Variants in GPC5 observed in about 807,000 individuals in gnomAD.
GPC5 encodes glypican 5.
In GPC5, 47 loss-of-function variants were observed where a neutral mutation model predicts 53.9. The observed-to-expected ratio is 0.87, with a 90% CI of 0.69 to 1.11. GPC5 has a LOEUF of 1.11. Among genes scored for constraint, GPC5 ranks in the 50% most tolerant of loss-of-function variants. The pLI is 0.00. For missense variants in GPC5, 748 were observed against 713.1 expected (o/e 1.05, Z -0.56); for synonymous variants, 286 against 263.3 (o/e 1.09, Z -0.84).
intron 5 of GPC5, among the ~76,000 whole-genome samples, chr13:91,831,713 A>G (rs551878999): frequency 1.3e-4 from 20 of 152,094 alleles, no homozygotes; most frequent in African/African-American, 4.8e-4. Context: ...AAAACTAAAA[A>G]TATATTAATT....
At chr13:92,374,941 A>T (rs1282640736) in intron 7 of GPC5, among the ~76,000 whole-genome samples, 2 of 152,126 alleles carry the variant, frequency 1.3e-5, no homozygotes, top group Non-Finnish European at 2.9e-5. Flanking sequence ...GTTTAGGAAG[A>T]TTCTATGGGA....
At chr13:92,269,028 C>G (rs1205091592) in intron 7 of GPC5, among the ~76,000 whole-genome samples, 6 of 151,966 alleles carry the variant, frequency 3.9e-5, no homozygotes, top group African/African-American at 7.2e-5. Context: ...ACCATTTGGT[C>G]TGTTTATACT....
chr13:92,233,348 A>G (rs2042545152), intron 7 of GPC5, among the ~76,000 whole-genome samples: 1 of 152,236 alleles, frequency 6.6e-6, no homozygotes, highest in African/African-American at 2.4e-5. Flanking sequence ...AAGAGTAAGC[A>G]TTTGAAATAT....
intron 7 of GPC5, among the ~76,000 whole-genome samples, chr13:92,562,401 C>T (rs919816107): frequency 1.3e-5 from 2 of 152,062 alleles, no homozygotes; most frequent in Non-Finnish European, 2.9e-5. Flanking sequence ...GGCCCTCCCG[C>T]TCTACCACCT....
rs71113759 is a variant in GPC5, at chr13:91,770,704, T to TTGTGTGTGTGTGTGTGTG, written c.1280+14302_1280+14319dup. On this transcript the variant is annotated intron_variant, in intron 5 of 7. Coordinates refer to ENST00000377067, the MANE Select transcript of GPC5 (RefSeq NM_004466.6). ...TTCAAAGACTGGGGAGACTGTGTGT[T>TTGTGTGTGTGTGTGTGTG]TGTGTGTGTGTGTGTGTGTGTGTGT... Among the ~76,000 whole-genome samples, 779 of 145,644 alleles carry TTGTGTGTGTGTGTGTGTG rather than the reference T, an allele frequency of 5.3e-3. 8 individuals are homozygous for TTGTGTGTGTGTGTGTGTG. The highest frequency in any genetic ancestry group is 0.014 in the South Asian group (63 of 4,408).
intron 2 of GPC5, among the ~76,000 whole-genome samples, chr13:91,631,534 G>T (rs774023788): frequency 3.9e-5 from 6 of 152,054 alleles, no homozygotes; most frequent in Non-Finnish European, 8.8e-5. Context: ...ATAGTGCTTT[G>T]GTTAAAAAAT....
At chr13:91,998,708 A>AC (rs1235169878) in intron 6 of GPC5, among the ~76,000 whole-genome samples, 1 of 152,336 alleles carries the variant, frequency 6.6e-6, no homozygotes, top group East Asian at 1.9e-4. Context: ...GTTCAAGAAT[A>AC]TGTTATTTTC....
chr13:92,042,328 G>A (rs9301772), intron 6 of GPC5, among the ~76,000 whole-genome samples: 71,397 of 151,954 alleles, frequency 0.47, 17,144 homozygotes, highest in Admixed American at 0.52. Context: ...AAGTATATGC[G>A]CTTGGAACCG....
At chr13:92,828,162 C>T (rs1318703945) in intron 7 of GPC5, among the ~76,000 whole-genome samples, 1 of 152,034 alleles carries the variant, frequency 6.6e-6, no homozygotes, top group Non-Finnish European at 1.5e-5. Context: ...TCTGTCCATC[C>T]CCCCTCACCC....
At chr13:92,079,040 C>T (rs928341663) in intron 6 of GPC5, among the ~76,000 whole-genome samples, 4 of 151,850 alleles carry the variant, frequency 2.6e-5, no homozygotes, top group Non-Finnish European at 4.4e-5. Flanking sequence ...CAGGATGTTA[C>T]TTCTTTTTTT....
Position 92,532,846 on chromosome 13 carries a change from C to A in GPC5, c.1562-333436C>A, listed in dbSNP as rs370654159. On this transcript the variant is annotated intron_variant, in intron 7 of 7. Transcript: ENST00000377067. The stretch of plus-strand genomic sequence containing the variant: ...TATTTGTAAAAAAGAACATCTTTTG[C>A]AAAATGAAAGAACATATAACAAACA... Among the ~76,000 whole-genome samples, 84 of 152,100 alleles carry A rather than the reference C, an allele frequency of 5.5e-4. No homozygotes were observed. The East Asian group carries it at 0.01, about 18-fold the overall frequency.
intron 7 of GPC5, among the ~76,000 whole-genome samples, chr13:92,239,283 C>A (rs2042592359): frequency 6.6e-6 from 1 of 151,594 alleles, no homozygotes; most frequent in Non-Finnish European, 1.5e-5. Context: ...CTGAATCTGT[C>A]AATAAATAGG....
At chr13:92,078,643 C>T (rs2041271203) in intron 6 of GPC5, among the ~76,000 whole-genome samples, 1 of 152,102 alleles carries the variant, frequency 6.6e-6, no homozygotes, top group Non-Finnish European at 1.5e-5. Flanking sequence ...CAATATCTCT[C>T]TTTTATATTT....
chr13:92,678,850 C>G (rs1464026792), intron 7 of GPC5, among the ~76,000 whole-genome samples: 1 of 152,064 alleles, frequency 6.6e-6, no homozygotes, highest in African/African-American at 2.4e-5. Context: ...ATGATTTGAG[C>G]TAGAGTTGTA....
intron 6 of GPC5, among the ~76,000 whole-genome samples, chr13:91,954,409 G>A (rs540121388): frequency 7.2e-5 from 11 of 152,262 alleles, no homozygotes; most frequent in African/African-American, 2.4e-4. Flanking sequence ...TTTTATTCCA[G>A]AGATGCAAGC....
chr13:92,320,650 A>C (rs921002556), intron 7 of GPC5, among the ~76,000 whole-genome samples: 14 of 152,196 alleles, frequency 9.2e-5, no homozygotes, highest in African/African-American at 3.1e-4. Flanking sequence ...AAGGGAAAAT[A>C]TACTTTTGTC....
intron 6 of GPC5, among the ~76,000 whole-genome samples, chr13:92,011,687 A>T (rs963509497): frequency 4.6e-5 from 7 of 152,192 alleles, no homozygotes; most frequent in African/African-American, 1.7e-4. Flanking sequence ...ACTGTTCCTT[A>T]TCTTAACATT....
chr13:92,138,668 G>C (rs1214960140), intron 6 of GPC5, among the ~76,000 whole-genome samples: 2 of 152,168 alleles, frequency 1.3e-5, no homozygotes, highest in African/African-American at 4.8e-5. Flanking sequence ...GGTTTGTTGG[G>C]AAGGGCTCCT....
chr13:91,964,210 A>G (rs1056415049), intron 6 of GPC5, among the ~76,000 whole-genome samples: 9 of 152,208 alleles, frequency 5.9e-5, no homozygotes, highest in African/African-American at 2.2e-4. Context: ...TCACAAAGGC[A>G]GTGCAGACCC....
Sources: allele counts gnomAD v4.1 joint callset (sites outside exome capture counted in the v4.1 genomes callset), GRCh38; gene constraint gnomAD v4.1.1; transcripts MANE v1.5; gene names NCBI Gene and HGNC (gene_info 2026-07-23, HGNC 2026-07-21).